Variants in SLC1A1 observed in about 807,000 individuals in gnomAD.
The protein encoded by SLC1A1 is solute carrier family 1 member 1.
In SLC1A1, 43 loss-of-function variants were observed where a neutral mutation model predicts 53.3. The ratio of observed to expected loss-of-function variants is 0.81; its 90% confidence interval spans 0.63 to 1.04. The LOEUF (loss-of-function observed/expected upper bound fraction) is 1.04, where lower values mean the gene tolerates loss of function less well. Ranked by LOEUF, SLC1A1 falls within the 50% of genes least tolerant of loss-of-function variation. The probability of loss-of-function intolerance (pLI) is 0.00; values close to 1 mark genes in which losing one functional copy is unlikely to be tolerated. For missense variants in SLC1A1, 748 were observed against 664.9 expected, an observed-to-expected ratio of 1.12 and a Z score of -1.37; for synonymous variants, 307 against 243.2, an observed-to-expected ratio of 1.26 and a Z score of -2.44.
chr9:4,500,377 C>T (rs769484738), intron 1 of SLC1A1, among the ~76,000 whole-genome samples: 4 of 152,142 alleles, frequency 2.6e-5, no homozygotes, highest in Middle Eastern at 3.2e-3. Flanking sequence ...AGTGCGATCT[C>T]GGCTACTGCA....
At chr9:4,542,335 G>A (rs1275824865) in intron 1 of SLC1A1, among the ~76,000 whole-genome samples, 1 of 152,108 alleles carries the variant, frequency 6.6e-6, no homozygotes, top group South Asian at 2.1e-4. Flanking sequence ...TCAAGCTACT[G>A]TACCTGGCAA....
At chr9:4,501,010 G>A (rs1586690257) in intron 1 of SLC1A1, among the ~76,000 whole-genome samples, 3 of 152,140 alleles carry the variant, frequency 2.0e-5, no homozygotes, top group Non-Finnish European at 2.9e-5. Context: ...CCCAGACCCA[G>A]CCCTGAGAAG....
intron 1 of SLC1A1, among the ~76,000 whole-genome samples, chr9:4,517,881 A>G (rs1815915675): frequency 6.6e-6 from 1 of 152,032 alleles, no homozygotes; most frequent in Non-Finnish European, 1.5e-5. Flanking sequence ...GTACGTTTGC[A>G]GTCTTTGATG....
intron 2 of SLC1A1, among the ~76,000 whole-genome samples, chr9:4,548,560 T>C (rs759157619): frequency 6.6e-5 from 10 of 152,118 alleles, no homozygotes; most frequent in Middle Eastern, 3.2e-3. Context: ...AAAAAATACT[T>C]TATAGCTTTT....
At position 4,490,769 on chromosome 9, in the gene SLC1A1, A is replaced by AG; in HGVS notation, c.91+1dup. ...TGTCCACCGTGGCCGCGGTGGTGCT[A>AG]GGTGAGCGGCGCGGCGGGTGGGCGA... is the stretch of plus-strand genomic sequence containing the variant. On this transcript the variant is annotated frameshift_variant and splice_region_variant, in exon 1 of 12. Transcript: ENST00000262352. LOFTEE classifies it high-confidence loss of function. 6.2e-7 allele frequency: 1 copy of AG among 1,611,200 alleles called. No homozygotes were observed. The highest frequency in any genetic ancestry group is 8.5e-7 in the Non-Finnish European group (1 of 1,178,012).
chr9:4,533,449 G>T (rs1269328547), intron 1 of SLC1A1, among the ~76,000 whole-genome samples: 3 of 152,136 alleles, frequency 2.0e-5, no homozygotes, highest in Admixed American at 6.5e-5. Context: ...AACCAACAAA[G>T]ATCAAAAGAG....
intron 1 of SLC1A1, among the ~76,000 whole-genome samples, chr9:4,543,741 T>C (rs1390010849): frequency 1.3e-5 from 2 of 152,168 alleles, no homozygotes; most frequent in African/African-American, 4.8e-5. Context: ...AGTCATTTGA[T>C]AATATGGTAA....
chr9:4,560,126 A>ATCTTTCCT (rs1347925845), intron 2 of SLC1A1: 1 of 152,256 alleles, frequency 6.6e-6, no homozygotes, highest in Non-Finnish European at 1.5e-5. Context: ...ATTTATTAAT[A>ATCTTTCCT]TCTTTCCTTT....
intron 2 of SLC1A1, among the ~76,000 whole-genome samples, chr9:4,552,864 A>G (rs1818047225): frequency 6.6e-6 from 1 of 151,848 alleles, no homozygotes; most frequent in South Asian, 2.1e-4. Flanking sequence ...AAGTTCCTAT[A>G]AAGTACCTGA....
In SLC1A1 at chr9:4,587,043, A is replaced by T. The variant is rs886063978; in HGVS notation, c.*1485A>T. On this transcript the variant is annotated 3_prime_UTR_variant, in exon 12 of 12. Transcript: ENST00000262352. ...ATGTTTCTGCAGTATTCTGTAGCCA[A>T]CTTAAACCTGTGCTTTCATGTTTAA... is the stretch of plus-strand genomic sequence containing the variant. 6.6e-6 allele frequency: 1 copy of T among 152,624 alleles called. No individual in the cohort carries two copies. The highest frequency in any genetic ancestry group is 2.4e-5 in the African/African-American group (1 of 41,438). The allele number at this position is 152,624 out of a possible 1,614,324, so 9.5% of individuals were successfully genotyped here.
At chr9:4,494,394 C>A (rs944378314) in intron 1 of SLC1A1, among the ~76,000 whole-genome samples, 42 of 152,034 alleles carry the variant, frequency 2.8e-4, no homozygotes, top group Non-Finnish European at 5.0e-4. Context: ...TAAGGTAAAT[C>A]TGAATAATTT....
rs1205530906 is a variant in SLC1A1, at chr9:4,561,538, C to G, written c.322C>G (p.Leu108Val). The G allele has an allele frequency of 6.6e-7, 1 of 1,526,616 alleles. No individual in the cohort carries two copies. The highest frequency in any genetic ancestry group is 1.4e-5 in the African/African-American group (1 of 73,222). 94.6% of individuals were successfully genotyped at this position (1,526,616 alleles called of 1,614,324 possible). ...YFCTTLIAVILGIVLVVSIKP... is the reference protein window; with the variant it reads ...YFCTTLIAVIVGIVLVVSIKP... ...CTGTACCACTCTCATTGCTGTTATT[C>G]TAGGTAATACTTATTTCTGAATCCT... is the stretch of plus-strand genomic sequence containing the variant. Residue 108 changes from leucine to valine, a missense_variant, in exon 3 of 12, where the codon CTA becomes GTA. Coordinates refer to ENST00000262352, the MANE Select transcript of SLC1A1 (RefSeq NM_004170.6).
chr9:4,498,894 T>C (rs1042036360), intron 1 of SLC1A1, among the ~76,000 whole-genome samples: 18 of 147,644 alleles, frequency 1.2e-4, no homozygotes, highest in Non-Finnish European at 3.0e-5. Flanking sequence ...TCTCTGTCTC[T>C]GTATATATTA....
chr9:4,535,638 G>A (rs909544810), intron 1 of SLC1A1, among the ~76,000 whole-genome samples: 1 of 152,238 alleles, frequency 6.6e-6, no homozygotes, highest in African/African-American at 2.4e-5. Flanking sequence ...ACTGCCCAAG[G>A]TAATTTATAG....
At chr9:4,530,480 G>A (rs1816426893) in intron 1 of SLC1A1, among the ~76,000 whole-genome samples, 1 of 152,206 alleles carries the variant, frequency 6.6e-6, no homozygotes, top group African/African-American at 2.4e-5. Flanking sequence ...TCATGTGTCA[G>A]AGAAAACTAG....
At chr9:4,553,926 T>G (rs180867882) in intron 2 of SLC1A1, 25 of 152,258 alleles carry the variant, frequency 1.6e-4, no homozygotes, top group African/African-American at 6.0e-4. Flanking sequence ...ATCCAGGGAG[T>G]ACTAATCAAG....
chr9:4,512,778 A>T (rs7026816), intron 1 of SLC1A1, among the ~76,000 whole-genome samples: 40,833 of 150,958 alleles, frequency 0.27, 5,552 homozygotes, highest in South Asian at 0.36. Flanking sequence ...ATTTTTTTTT[A>T]AATTGAGACA....
chr9:4,496,686 G>C (rs1045579415), intron 1 of SLC1A1, among the ~76,000 whole-genome samples: 2 of 151,906 alleles, frequency 1.3e-5, no homozygotes, highest in Non-Finnish European at 2.9e-5. Flanking sequence ...CTTGAGGCTA[G>C]GAGTTCAAGA....
intron 1 of SLC1A1, among the ~76,000 whole-genome samples, chr9:4,534,816 C>T (rs533852361): frequency 6.6e-6 from 1 of 152,270 alleles, no homozygotes; most frequent in East Asian, 1.9e-4. Flanking sequence ...CAGTAAAATA[C>T]TGGCAAACCA....
Sources: gnomAD v4.1 joint callset for allele counts (sites outside exome capture counted in the v4.1 genomes callset) on GRCh38, gnomAD v4.1.1 for gene constraint, MANE v1.5 for transcripts, NCBI Gene and HGNC (gene_info 2026-07-23, HGNC 2026-07-21) for gene names.